NCKAP5: variants seen among roughly 807,000 people sequenced by gnomAD.
NCKAP5 encodes the protein nck-associated protein 5.
In NCKAP5, 92 loss-of-function variants were observed where a neutral mutation model predicts 167.0. The observed-to-expected ratio is 0.55, with a 90% CI of 0.47 to 0.66. The LOEUF is 0.66. Ranked by LOEUF, NCKAP5 falls within the 30% of genes least tolerant of loss-of-function variation. NCKAP5 has a pLI of 0.00. For synonymous variants in NCKAP5, 891 were observed against 877.4 expected (o/e 1.02, Z -0.27); for missense variants, 2,378 against 2,315.0 (o/e 1.03, Z -0.56).
At chr2:133,096,571 A>C (rs2081350479) in intron 6 of NCKAP5, among the ~76,000 whole-genome samples, 1 of 152,134 alleles carries the variant, frequency 6.6e-6, no homozygotes, top group Non-Finnish European at 1.5e-5. Context: ...TGATAACCCA[A>C]ACAACATTTT....
chr2:132,976,894 G>A (rs1310131388), intron 7 of NCKAP5, among the ~76,000 whole-genome samples: 3 of 152,084 alleles, frequency 2.0e-5, no homozygotes, highest in Non-Finnish European at 4.4e-5. Context: ...TTTTGTGTGT[G>A]TGTGGCAATT....
chr2:133,448,580 A>AT (rs1691355951), intron 3 of NCKAP5, among the ~76,000 whole-genome samples: 1 of 152,176 alleles, frequency 6.6e-6, no homozygotes, highest in Non-Finnish European at 1.5e-5. Flanking sequence ...GTTGAGCAGT[A>AT]TTTTTTTCTT....
chr2:133,032,236 C>A (rs1466082937), intron 6 of NCKAP5, among the ~76,000 whole-genome samples: 1 of 152,124 alleles, frequency 6.6e-6, no homozygotes, highest in African/African-American at 2.4e-5. Context: ...AAGGGCAATG[C>A]CCTGAAGGGT....
chr2:132,968,941 C>A (rs536387192), intron 7 of NCKAP5, among the ~76,000 whole-genome samples: 1 of 152,048 alleles, frequency 6.6e-6, no homozygotes, highest in South Asian at 2.1e-4. Context: ...TGGGAATGTA[C>A]GAAGAGATTT....
chr2:133,189,099 G>A (rs2085087184), intron 5 of NCKAP5, among the ~76,000 whole-genome samples: 1 of 151,752 alleles, frequency 6.6e-6, no homozygotes, highest in Admixed American at 6.6e-5. Context: ...ATGATAAAGG[G>A]GATATCATCA....
chr2:132,945,616 G>T lies in NCKAP5; in HGVS notation c.579+18104C>A, dbSNP rs537850805. 2.0e-5 allele frequency among the ~76,000 whole-genome samples: 3 copies of T among 152,036 alleles called. No homozygotes were observed. In the East Asian group the frequency reaches 5.8e-4, roughly 30 times the overall value. On this transcript the variant is annotated intron_variant, in intron 8 of 19. Coordinates refer to ENST00000409261, the MANE Select transcript of NCKAP5 (RefSeq NM_207363.3). ...ATGGGTCACTTCTCTTACAAACTGG[G>T]GGAAAAATTACCTCAATTTTACCTA...
chr2:132,838,085 T>A (rs1357855135), intron 11 of NCKAP5, among the ~76,000 whole-genome samples: 1 of 152,140 alleles, frequency 6.6e-6, no homozygotes, highest in Non-Finnish European at 1.5e-5. Context: ...TTCAACTTAT[T>A]CACAAGTCAA....
At chr2:133,190,348 C>A (rs906504971) in intron 5 of NCKAP5, among the ~76,000 whole-genome samples, 19 of 152,274 alleles carry the variant, frequency 1.2e-4, no homozygotes, top group African/African-American at 4.6e-4. Context: ...GGCCATACTG[C>A]CCAAGGTAAA....
chr2:132,805,813 C>T (rs751277108), intron 11 of NCKAP5, among the ~76,000 whole-genome samples: 12 of 151,628 alleles, frequency 7.9e-5, no homozygotes, highest in Non-Finnish European at 1.2e-4. Flanking sequence ...GAGGTACAGG[C>T]GGTATTTGGT....
chr2:132,904,211 A>G (rs1693841438), intron 8 of NCKAP5, among the ~76,000 whole-genome samples: 3 of 151,876 alleles, frequency 2.0e-5, no homozygotes, highest in Admixed American at 6.6e-5. Context: ...TGGCATGAAC[A>G]TGGGAGGCGG....
At chr2:133,148,805 C>T (rs576220558) in intron 5 of NCKAP5, among the ~76,000 whole-genome samples, 42 of 152,208 alleles carry the variant, frequency 2.8e-4, no homozygotes, top group Non-Finnish European at 5.0e-4. Context: ...CCCTCATGAC[C>T]TAACTGCCTC....
intron 3 of NCKAP5, among the ~76,000 whole-genome samples, chr2:133,426,010 G>T (rs1574934781): frequency 6.6e-6 from 1 of 152,178 alleles, no homozygotes; most frequent in East Asian, 1.9e-4. Flanking sequence ...GGTGGCTCAT[G>T]CCTGTAATCC....
chr2:132,712,511 G>A, intron 19 of NCKAP5, among the ~76,000 whole-genome samples: 1 of 152,142 alleles, frequency 6.6e-6, no homozygotes, highest in Non-Finnish European at 1.5e-5. Flanking sequence ...AATTAGCCGG[G>A]TGTAGAGGCG....
intron 4 of NCKAP5, among the ~76,000 whole-genome samples, chr2:133,259,276 G>A (rs915069902): frequency 6.6e-6 from 1 of 152,092 alleles, no homozygotes; most frequent in African/African-American, 2.4e-5. Flanking sequence ...TCCACATTAA[G>A]TGTTTTGGGG....
chr2:133,607,025 C>G, the NCKAP5 span, among the ~76,000 whole-genome samples: 6 of 152,124 alleles, frequency 3.9e-5, no homozygotes, highest in Admixed American at 6.6e-5. Context: ...AATGAAGGAC[C>G]TGAGACCATC....
At chr2:132,914,903 GA>G (rs1694742458) in intron 8 of NCKAP5, among the ~76,000 whole-genome samples, 1 of 148,062 alleles carries the variant, frequency 6.8e-6, no homozygotes, top group South Asian at 2.1e-4. Context: ...TGACATCCCA[GA>G]AAGATCATAG....
At chr2:133,541,717 A>T (rs1686239224) in intron 2 of NCKAP5, among the ~76,000 whole-genome samples, 1 of 152,188 alleles carries the variant, frequency 6.6e-6, no homozygotes, top group Admixed American at 6.5e-5. Flanking sequence ...AAACAAAAAA[A>T]TTAGTGTTAA....
intron 3 of NCKAP5, among the ~76,000 whole-genome samples, chr2:133,456,926 T>C (rs779280375): frequency 5.9e-5 from 9 of 152,176 alleles, no homozygotes; most frequent in Non-Finnish European, 1.0e-4. Flanking sequence ...GGACACGTCA[T>C]AGGTGTAACA....
chr2:133,575,111 G>A, the NCKAP5 span, among the ~76,000 whole-genome samples: 1 of 152,354 alleles, frequency 6.6e-6, no homozygotes, highest in East Asian at 1.9e-4. Context: ...GTGGTTTGGA[G>A]AAATGGTCAT....
Sources: gnomAD v4.1 joint callset for allele counts (sites outside exome capture counted in the v4.1 genomes callset) on GRCh38, gnomAD v4.1.1 for gene constraint, MANE v1.5 for transcripts, NCBI Gene and HGNC (gene_info 2026-07-23, HGNC 2026-07-21) for gene names.